KCNH4: variants seen among roughly 807,000 people sequenced by gnomAD.
KCNH4 encodes the protein potassium voltage-gated channel subfamily H member 4.
Under a neutral mutation model 90.7 loss-of-function variants are expected in KCNH4, and 33 were observed. The ratio of observed to expected loss-of-function variants is 0.36; its 90% CI spans 0.28 to 0.49. The LOEUF is 0.49. Ranked by LOEUF, KCNH4 falls within the 20% of genes least tolerant of loss-of-function variation. KCNH4 has a pLI of 0.98. For synonymous variants in KCNH4, 551 were observed against 581.7 expected (o/e 0.95, Z 0.76); for missense variants, 1,044 against 1,387.1 (o/e 0.75, Z 3.93).
intron 16 of KCNH4, 89 bp downstream of exon 16, chr17:42,159,642 A>C: frequency 6.0e-6 from 1 of 165,628 alleles, no homozygotes. Context: ...CTCTCTTGCT[A>C]TAGACGCTAA....
Sources: allele counts gnomAD v4.1 joint callset, GRCh38; gene constraint gnomAD v4.1.1; transcripts MANE v1.5; gene names NCBI Gene and HGNC (gene_info 2026-07-23, HGNC 2026-07-21).